The following IL1RAPL1 variants were observed in gnomAD, a reference collection of about 807,000 sequenced individuals.
The protein encoded by IL1RAPL1 is interleukin-1 receptor accessory protein-like 1.
A neutral mutation model predicts 48.4 loss-of-function variants in IL1RAPL1; 3 were observed. The observed-to-expected ratio is 0.06, with a 90% CI of 0.03 to 0.16. The LOEUF (loss-of-function observed/expected upper bound fraction) is 0.16, where lower values mean the gene tolerates loss of function less well. Among genes scored for constraint, IL1RAPL1 ranks in the 10% least tolerant of loss-of-function variants. The pLI is 1.00. For synonymous variants in IL1RAPL1, 185 were observed against 187.7 expected (o/e 0.99, Z 0.12); for missense variants, 349 against 530.6 (o/e 0.66, Z 3.36).
chrX:29,170,471 C>T (rs760528052), intron 2 of IL1RAPL1, among the ~76,000 whole-genome samples: 32 of 111,630 alleles, frequency 2.9e-4, no homozygotes, highest in Non-Finnish European at 5.3e-4. Context: ...TGACTTGCAA[C>T]CTGTTTTTCT....
At chrX:28,942,386 A>C (rs898510201) in intron 2 of IL1RAPL1, 3 of 109,734 alleles carry the variant, frequency 2.7e-5, no homozygotes, top group African/African-American at 9.8e-5. Flanking sequence ...ATACAATGTA[A>C]TGTTATATTA....
rs561998445 is a variant in IL1RAPL1, at chrX:28,856,009, G to A, written c.82+66584G>A. Among the ~76,000 whole-genome samples, 24 of 111,839 alleles carry A rather than the reference G, an allele frequency of 2.1e-4. 1 individual carries two copies. The South Asian group carries it at 7.8e-3, about 36-fold the overall frequency. On this transcript the variant is annotated intron_variant, in intron 2 of 10. Coordinates refer to ENST00000378993, the MANE Select transcript of IL1RAPL1 (RefSeq NM_014271.4). ...ATATTTAATACAAAATCTCCAAGTG[G>A]TCATATAAATTGTTAGCAGTGAAGA...
At chrX:29,383,432 A>G (rs963630091) in intron 3 of IL1RAPL1, among the ~76,000 whole-genome samples, 5 of 112,105 alleles carry the variant, frequency 4.5e-5, no homozygotes, top group African/African-American at 1.6e-4. Context: ...ACTTTTAATC[A>G]TACCTCTAAC....
chrX:28,734,389 T>G (rs1363093458), intron 1 of IL1RAPL1, among the ~76,000 whole-genome samples: 2 of 111,330 alleles, frequency 1.8e-5, no homozygotes, highest in Non-Finnish European at 3.8e-5. Flanking sequence ...TCCCTGTAAT[T>G]TGTGTTACTC....
At chrX:29,637,363 A>G (rs1602339289) in intron 5 of IL1RAPL1, among the ~76,000 whole-genome samples, 1 of 108,781 alleles carries the variant, frequency 9.2e-6, no homozygotes, top group African/African-American at 3.3e-5. Context: ...GGAATGGAAG[A>G]ATATACCTCC....
At chrX:28,997,579 A>G (rs1287651773) in intron 2 of IL1RAPL1, among the ~76,000 whole-genome samples, 2 of 111,673 alleles carry the variant, frequency 1.8e-5, no homozygotes, top group African/African-American at 3.3e-5. Context: ...GCAGCATACT[A>G]TATAAATCCT....
chrX:29,330,384 G>A (rs1047619239), intron 3 of IL1RAPL1, among the ~76,000 whole-genome samples: 2 of 111,380 alleles, frequency 1.8e-5, no homozygotes, highest in African/African-American at 3.3e-5. Flanking sequence ...CCCCTTCCCC[G>A]GTTTAGGGCT....
chrX:29,123,787 A>T (rs1439650032), intron 2 of IL1RAPL1, among the ~76,000 whole-genome samples: 2 of 112,072 alleles, frequency 1.8e-5, no homozygotes, highest in Non-Finnish European at 3.8e-5. Flanking sequence ...TGGCTAGTAG[A>T]CTGAGACATG....
At chrX:29,058,198 AC>A (rs370532638) in intron 2 of IL1RAPL1, among the ~76,000 whole-genome samples, 1 of 109,219 alleles carries the variant, frequency 9.2e-6, no homozygotes, top group African/African-American at 3.3e-5. Context: ...ACATGGTGAA[AC>A]CCCCCCGTCT....
chrX:28,817,247 G>GA (rs1183428393), intron 2 of IL1RAPL1, among the ~76,000 whole-genome samples: 3 of 109,595 alleles, frequency 2.7e-5, no homozygotes, highest in South Asian at 3.8e-4. Flanking sequence ...GAAGACACAG[G>GA]AAAAAAAATC....
intron 2 of IL1RAPL1, among the ~76,000 whole-genome samples, chrX:29,041,207 A>G (rs189597830): frequency 2.7e-5 from 3 of 112,041 alleles, no homozygotes; most frequent in African/African-American, 6.5e-5. Flanking sequence ...AAAAAGGCAT[A>G]TGATGTAGAG....
intron 6 of IL1RAPL1, among the ~76,000 whole-genome samples, chrX:29,671,710 G>C (rs971878779): frequency 9.0e-6 from 1 of 111,707 alleles, no homozygotes; most frequent in Non-Finnish European, 1.9e-5. Context: ...CAATTGTCTT[G>C]CTAAACCTGA....
rs779184356 is a variant in IL1RAPL1, at chrX:29,265,566, A to G, written c.83-17372A>G. Among the ~76,000 whole-genome samples the G allele has an allele frequency of 2.9e-5, 3 of 103,716 alleles. No individual in the cohort carries two copies. The East Asian group carries it at 9.6e-4, about 33-fold the overall frequency. The allele number at this position is 103,716 out of a possible 115,157, so 90.1% of individuals were successfully genotyped here. On this transcript the variant is annotated intron_variant, in intron 2 of 10. Transcript: ENST00000378993. Reference sequence around the variant, plus strand: ...TACATGTGCCATGCTGGTGTGCTGCACCCATTAACTTGTCATTTAGCATTA... The same window carrying G: ...TACATGTGCCATGCTGGTGTGCTGCGCCCATTAACTTGTCATTTAGCATTA...
intron 6 of IL1RAPL1, among the ~76,000 whole-genome samples, chrX:29,781,659 C>A (rs1187535055): frequency 8.9e-6 from 1 of 111,930 alleles, no homozygotes; most frequent in Non-Finnish European, 1.9e-5. Context: ...TACTTTCGAA[C>A]TTCAACATCC....
At chrX:29,221,662 CACACACACACAT>C (rs1192979424) in intron 2 of IL1RAPL1, among the ~76,000 whole-genome samples, 9 of 94,688 alleles carry the variant, frequency 9.5e-5, no homozygotes, top group East Asian at 3.8e-4. Flanking sequence ...CACACACACA[CACACACACACAT>C]ATGACAGACT....
At chrX:29,486,813 C>A (rs1394065873) in intron 5 of IL1RAPL1, among the ~76,000 whole-genome samples, 2 of 110,519 alleles carry the variant, frequency 1.8e-5, no homozygotes, top group African/African-American at 6.6e-5. Flanking sequence ...GGAAAATAAT[C>A]TCATGAAATT....
At chrX:29,592,426 GACAGAGCAAC>G (rs1488366701) in intron 5 of IL1RAPL1, among the ~76,000 whole-genome samples, 2 of 110,874 alleles carry the variant, frequency 1.8e-5, no homozygotes, top group African/African-American at 6.6e-5. Flanking sequence ...CCACAGAGAG[GACAGAGCAAC>G]ACATGTCACA....
intron 1 of IL1RAPL1, among the ~76,000 whole-genome samples, chrX:28,652,911 A>G (rs1234597135): frequency 9.1e-6 from 1 of 110,416 alleles, no homozygotes; most frequent in Non-Finnish European, 1.9e-5. Context: ...TTTCAAATAA[A>G]TCTAGCCTAA....
At chrX:28,607,187 C>T (rs1287551957) in intron 1 of IL1RAPL1, among the ~76,000 whole-genome samples, 2 of 109,066 alleles carry the variant, frequency 1.8e-5, no homozygotes, top group African/African-American at 3.3e-5. Flanking sequence ...AGAGAATTTA[C>T]GAATGTTTTA....
Sources: gnomAD v4.1 joint callset for allele counts (sites outside exome capture counted in the v4.1 genomes callset) on GRCh38, gnomAD v4.1.1 for gene constraint, MANE v1.5 for transcripts, NCBI Gene and HGNC (gene_info 2026-07-23, HGNC 2026-07-21) for gene names.